The following COL23A1 variants were observed in gnomAD, a reference collection of about 807,000 sequenced individuals.
COL23A1 encodes collagen alpha-1(XXIII) chain.
A neutral mutation model predicts 99.3 loss-of-function variants in COL23A1; 97 were observed. That is an observed-to-expected ratio of 0.98 (90% confidence interval 0.83 to 1.16). The LOEUF is 1.16. Among genes scored for constraint, COL23A1 ranks in the 50% most tolerant of loss-of-function variants. The pLI is 0.00. For missense variants in COL23A1, 762 were observed against 757.4 expected, an observed-to-expected ratio of 1.01 and a Z score of -0.07; for synonymous variants, 320 against 308.2, an observed-to-expected ratio of 1.04 and a Z score of -0.40.
At chr5:178,294,301 T>TGCCCCA (rs1561834777) in intron 3 of COL23A1, among the ~76,000 whole-genome samples, 60 of 58,286 alleles carry the variant, frequency 1.0e-3, no homozygotes, top group East Asian at 2.3e-3. Flanking sequence ...CCCTCCCAAA[T>TGCCCCA]CACTACCCAG....
chr5:178,333,737 G>A (rs1464788342), intron 2 of COL23A1, among the ~76,000 whole-genome samples: 1 of 152,204 alleles, frequency 6.6e-6, no homozygotes, highest in Non-Finnish European at 1.5e-5. Context: ...AGCCTGGCCT[G>A]TGACTGGCCC....
chr5:178,282,112 C>T (rs948093378), intron 5 of COL23A1, among the ~76,000 whole-genome samples: 3 of 150,942 alleles, frequency 2.0e-5, no homozygotes, highest in East Asian at 3.9e-4. Context: ...TGCCCTGCTC[C>T]GTTCAGCTGC....
At chr5:178,517,806 C>T (rs1169768971) in intron 2 of COL23A1, among the ~76,000 whole-genome samples, 4 of 150,868 alleles carry the variant, frequency 2.7e-5, no homozygotes, top group African/African-American at 4.9e-5. Flanking sequence ...GTGATCCGCC[C>T]GCCTCAGCCT....
chr5:178,286,890 GA>G (rs1252309255), intron 5 of COL23A1, among the ~76,000 whole-genome samples: 1 of 151,550 alleles, frequency 6.6e-6, no homozygotes. Context: ...AGAGGGGGAG[GA>G]AACCACTCAT....
chr5:178,265,725 A>T, intron 8 of COL23A1: 1 of 985,720 alleles, frequency 1.0e-6, no homozygotes, highest in Admixed American at 6.1e-5. Flanking sequence ...TGGGAAAACC[A>T]TCTAGTCAGC....
chr5:178,332,724 A>G (rs1004105678), intron 2 of COL23A1, among the ~76,000 whole-genome samples: 1 of 152,008 alleles, frequency 6.6e-6, no homozygotes, highest in African/African-American at 2.4e-5. Context: ...TTAGAAAAAA[A>G]GCATGCAAGC....
At chr5:178,421,332 C>T (rs1765624065) in intron 2 of COL23A1, among the ~76,000 whole-genome samples, 1 of 152,200 alleles carries the variant, frequency 6.6e-6, no homozygotes, top group South Asian at 2.1e-4. Flanking sequence ...AGAACCCGCC[C>T]TTACTAGCTG....
intron 2 of COL23A1, among the ~76,000 whole-genome samples, chr5:178,518,880 A>G (rs1386289469): frequency 6.7e-6 from 1 of 148,954 alleles, no homozygotes; most frequent in African/African-American, 2.5e-5. Context: ...GGCGGCAAAG[A>G]CTGAGACAGC....
rs565375181 is a variant in COL23A1, at chr5:178,300,171, A to G, written c.406+6704T>C. On this transcript the variant is annotated intron_variant, in intron 3 of 28. Coordinates refer to ENST00000390654, the MANE Select transcript of COL23A1 (RefSeq NM_173465.4). Reference sequence around the variant, plus strand: ...ACCTCCGCTCCTCCAGGTTTAAGCAATTCTCTGCCTCAGCCTCTGGAGTAG... The same window carrying G: ...ACCTCCGCTCCTCCAGGTTTAAGCAGTTCTCTGCCTCAGCCTCTGGAGTAG... Among the ~76,000 whole-genome samples, 43 of 151,422 alleles carry G rather than the reference A, an allele frequency of 2.8e-4. No homozygotes were observed. In the East Asian group the frequency reaches 5.7e-3, roughly 20 times the overall value.
chr5:178,360,475 G>T (rs561050160), intron 2 of COL23A1, among the ~76,000 whole-genome samples: 12 of 152,234 alleles, frequency 7.9e-5, no homozygotes, highest in Non-Finnish European at 1.3e-4. Flanking sequence ...CCTCATGTGG[G>T]GGGGGATGGA....
chr5:178,447,731 T>C (rs1472634236), intron 2 of COL23A1, among the ~76,000 whole-genome samples: 1 of 152,114 alleles, frequency 6.6e-6, no homozygotes, highest in Non-Finnish European at 1.5e-5. Flanking sequence ...TGTGACCATA[T>C]CTGGAAGAGA....
chr5:178,404,016 G>C (rs1274688787), intron 2 of COL23A1, among the ~76,000 whole-genome samples: 1 of 152,184 alleles, frequency 6.6e-6, no homozygotes, highest in Non-Finnish European at 1.5e-5. Flanking sequence ...AGATTCCCGG[G>C]AACAGAGAGG....
In COL23A1 at chr5:178,358,131, G is replaced by A. The variant is rs530583831; in HGVS notation, c.362-51212C>T. 2.4e-4 allele frequency among the ~76,000 whole-genome samples: 36 copies of A among 147,744 alleles called. 1 individual carries two copies. Among genetic ancestry groups the A allele is most frequent in the Non-Finnish European group, 4.5e-4 (30 of 67,078 alleles). On this transcript the variant is annotated intron_variant, in intron 2 of 28. Coordinates refer to ENST00000390654, the MANE Select transcript of COL23A1 (RefSeq NM_173465.4). ...TGTATGTGTATGTGTACGTGTGTAC[G>A]TCTAATGTGTGTGTATGTGTATGTG... is the stretch of plus-strand genomic sequence containing the variant.
intron 2 of COL23A1, among the ~76,000 whole-genome samples, chr5:178,349,389 T>C (rs746477731): frequency 2.6e-5 from 4 of 152,098 alleles, no homozygotes; most frequent in Non-Finnish European, 4.4e-5. Context: ...CCGGTGTTGA[T>C]AACCCGGGTG....
chr5:178,523,900 G>A (rs1428974882), intron 2 of COL23A1, among the ~76,000 whole-genome samples: 5 of 152,128 alleles, frequency 3.3e-5, no homozygotes, highest in East Asian at 1.9e-4. Flanking sequence ...CTCTGAACAC[G>A]GCTGTCACTC....
chr5:178,530,333 G>A (rs545895627), intron 2 of COL23A1, among the ~76,000 whole-genome samples: 21 of 152,210 alleles, frequency 1.4e-4, no homozygotes, highest in African/African-American at 4.1e-4. Context: ...GCAGTGGTGC[G>A]TGCCTGTAGT....
rs866552120 is a variant in COL23A1 at position 178,466,108 on chromosome 5, C to T, written c.361+94574G>A. Reference sequence around the variant, plus strand: ...GGGAGACACACATCGGCCTCCAAGCCGTGGGCCTCAGAGGCATTGCAACGC... The same window carrying T: ...GGGAGACACACATCGGCCTCCAAGCTGTGGGCCTCAGAGGCATTGCAACGC... On this transcript the variant is annotated intron_variant, in intron 2 of 28. Coordinates refer to ENST00000390654, the MANE Select transcript of COL23A1 (RefSeq NM_173465.4). Among the ~76,000 whole-genome samples the T allele has an allele frequency of 5.9e-5, 9 of 152,162 alleles. No individual in the cohort carries two copies. In the East Asian group the frequency reaches 9.6e-4, roughly 16 times the overall value.
chr5:178,273,376 C>A (rs1355253759), intron 5 of COL23A1, among the ~76,000 whole-genome samples: 1 of 152,254 alleles, frequency 6.6e-6, no homozygotes, highest in Non-Finnish European at 1.5e-5. Context: ...GATGGCGCAG[C>A]CTTTGGTCCC....
At chr5:178,427,898 T>C (rs1048312769) in intron 2 of COL23A1, among the ~76,000 whole-genome samples, 22 of 152,332 alleles carry the variant, frequency 1.4e-4, no homozygotes, top group African/African-American at 5.3e-4. Flanking sequence ...ATTGTGTATT[T>C]ATCCAAACCC....
Sources: allele counts gnomAD v4.1 joint callset (sites outside exome capture counted in the v4.1 genomes callset), GRCh38; gene constraint gnomAD v4.1.1; transcripts MANE v1.5; gene names NCBI Gene and HGNC (gene_info 2026-07-23, HGNC 2026-07-21).